ABCA3: variants seen among roughly 807,000 people sequenced by gnomAD.
ABCA3 encodes phospholipid-transporting ATPase ABCA3.
A neutral mutation model predicts 172.8 loss-of-function variants in ABCA3; 88 were observed. The observed-to-expected ratio is 0.51, with a 90% CI of 0.43 to 0.61. The LOEUF (loss-of-function observed/expected upper bound fraction) is 0.61. Among genes scored for constraint, ABCA3 ranks in the 20% least tolerant of loss-of-function variants. The pLI is 0.00. For missense variants in ABCA3, 2,164 were observed against 2,301.0 expected (o/e 0.94, Z 1.22); for synonymous variants, 1,066 against 983.8 (o/e 1.08, Z -1.56).
rs538323458 is a variant in ABCA3, at chr16:2,324,495, T to C, written c.356A>G (p.Tyr119Cys). ...GGACGAGCAGTTGTCGTACCTAATG[T>C]AGTCCTCAAAGTCCTTCTCGGAGGG... ...GFPSEKDFEDYIRYDNCSSSV... is the reference protein window; with the variant it reads ...GFPSEKDFEDCIRYDNCSSSV... Residue 119 changes from tyrosine (Y) to cysteine (C), a missense_variant, in exon 6 of 33, where the codon TAC (tyrosine) becomes TGC (cysteine). Transcript: ENST00000301732. 10 of 1,610,970 alleles carry C rather than the reference T, an allele frequency of 6.2e-6. No individual in the cohort carries two copies. The South Asian group carries it at 1.1e-4, about 18-fold the overall frequency.
intron 1 of ABCA3, among the ~76,000 whole-genome samples, chr16:2,336,247 G>T (rs886597759): frequency 1.3e-5 from 2 of 152,064 alleles, no homozygotes; most frequent in Non-Finnish European, 2.9e-5. Context: ...TTCAACACCA[G>T]AATCTCCACC....
intron 18 of ABCA3, among the ~76,000 whole-genome samples, chr16:2,294,269 G>A (rs376019178): frequency 7.3e-5 from 11 of 151,414 alleles, no homozygotes; most frequent in East Asian, 3.9e-4. Context: ...CTCATGGTCC[G>A]CCCGCCTTGG....
intron 3 of ABCA3, among the ~76,000 whole-genome samples, chr16:2,327,213 T>C (rs323053): frequency 0.92 from 140,435 of 152,120 alleles, 65,864 homozygotes; most frequent in East Asian, 1. Flanking sequence ...CTCCTGGGCT[T>C]GTGATCCTCC....
At chr16:2,332,370 C>T in intron 1 of ABCA3, 2 of 866,706 alleles carry the variant, frequency 2.3e-6, no homozygotes, top group Non-Finnish European at 3.9e-6. Context: ...ACTTTTTGGA[C>T]TCGCAGGGAC....
At chr16:2,332,550 A>C in intron 1 of ABCA3, 1 of 1,112,914 alleles carries the variant, frequency 9.0e-7, no homozygotes, top group Non-Finnish European at 1.4e-6. Flanking sequence ...CACGGACACG[A>C]ATGTCCACAC....
Position 2,285,772 on chromosome 16 carries a change from G to A in ABCA3, c.3279-126C>T, listed in dbSNP as rs1001414304. ...GCCCAACCACTAAAGGGGCTTATGGGAGAGCACAAGCACCATGGTTCCATA... is the reference window on the plus strand; with the variant it reads ...GCCCAACCACTAAAGGGGCTTATGGAAGAGCACAAGCACCATGGTTCCATA... On this transcript the variant is annotated intron_variant, in intron 22 of 32. Coordinates refer to ENST00000301732, the MANE Select transcript of ABCA3 (RefSeq NM_001089.3). The surrounding 1 kb of genome is among the most constrained non-coding windows in gnomAD (Gnocchi z 4.7). 1.2e-6 allele frequency: 1 copy of A among 865,390 alleles called. No individual in the cohort carries two copies. The highest frequency in any genetic ancestry group is 1.9e-6 in the Non-Finnish European group (1 of 534,640). The allele number at this position is 865,390 out of a possible 1,614,324, so 53.6% of individuals were successfully genotyped here.
At position 2,299,370 on chromosome 16, in the gene ABCA3, T is replaced by C. The variant is rs170447; in HGVS notation, c.1741+33A>G. 811,663 of 1,611,130 alleles carry C rather than the reference T, an allele frequency of 0.5. 207,613 individuals are homozygous for C. The highest frequency in any genetic ancestry group is 0.57 in the Admixed American group (34,244 of 59,964). On this transcript the variant is annotated intron_variant, in intron 14 of 32. Coordinates refer to ENST00000301732, the MANE Select transcript of ABCA3 (RefSeq NM_001089.3). ...GAGATGGTGTTAAAGGGGGGCCTGC[T>C]GGTGGCAGGGGCGTGAGGCGCCTGG...
In ABCA3 at chr16:2,288,007, C is replaced by A. The variant is rs377083578; in HGVS notation, c.3004+19G>T. ...ACTGGCCCCCGATGCCCCCGTCCCGCCCCCGGGATGCCCCTTACCGAGCAC... is the reference window on the plus strand; with the variant it reads ...ACTGGCCCCCGATGCCCCCGTCCCGACCCCGGGATGCCCCTTACCGAGCAC... On this transcript the variant is annotated intron_variant, in intron 21 of 32. Coordinates refer to ENST00000301732, the MANE Select transcript of ABCA3 (RefSeq NM_001089.3). 3.9e-5 allele frequency: 63 copies of A among 1,599,740 alleles called. No individual in the cohort carries two copies. Among genetic ancestry groups the A allele is most frequent in the Non-Finnish European group, 1.7e-6 (2 of 1,179,334 alleles).
At chr16:2,320,246 A>C (rs540311336) in intron 7 of ABCA3, among the ~76,000 whole-genome samples, 32 of 151,398 alleles carry the variant, frequency 2.1e-4, no homozygotes, top group African/African-American at 6.3e-4. Flanking sequence ...CTACAGGTGC[A>C]CACCACCATG....
intron 26 of ABCA3, among the ~76,000 whole-genome samples, chr16:2,282,033 G>A (rs1041754871): frequency 7.2e-5 from 11 of 152,188 alleles, no homozygotes; most frequent in African/African-American, 2.6e-4. Context: ...TTGGTGATCC[G>A]TCCACCTTGG....
intron 10 of ABCA3, among the ~76,000 whole-genome samples, chr16:2,311,755 C>T (rs868163252): frequency 3.9e-5 from 6 of 152,126 alleles, no homozygotes; most frequent in Non-Finnish European, 5.9e-5. Context: ...CTCCTGACCT[C>T]GTGATCCACC....
At chr16:2,334,973 C>T (rs1385166380) in intron 1 of ABCA3, among the ~76,000 whole-genome samples, 1 of 151,146 alleles carries the variant, frequency 6.6e-6, no homozygotes, top group Admixed American at 6.6e-5. Flanking sequence ...GGATTACAGG[C>T]ACTCGCCACC....
In ABCA3 at chr16:2,276,802, A is replaced by G; in HGVS notation, c.4987T>C (p.Phe1663Leu). ...PGRDLSWAKV[F>L]GILEKAKEKY... ...TCCTTGGCTTTCTCCAGAATACCGAAAACCTTTGGGGAGCAGAAAAGTCAC... is the reference window on the plus strand; with the variant it reads ...TCCTTGGCTTTCTCCAGAATACCGAGAACCTTTGGGGAGCAGAAAAGTCAC... Residue 1663 changes from phenylalanine to leucine, a missense_variant, in exon 33 of 33, where the codon TTC (phenylalanine) becomes CTC (leucine). Physicochemically the swap from Phe to Leu is conservative, Grantham distance 22. Around this residue, in one of 3 missense-constraint regions of ABCA3, gnomAD observed 795 missense variants for 881.9 expected, o/e 0.90. Transcript: ENST00000301732. 1 of 1,613,740 alleles carries G rather than the reference A, an allele frequency of 6.2e-7. No individual in the cohort carries two copies.
At position 2,287,519 on chromosome 16, in the gene ABCA3, C is replaced by T. The variant is rs1596835252; in HGVS notation, c.3004+507G>A. ...TCTCGAACTCCTGACCTCAAGTGAT[C>T]CACCTGCCTCGGCCTCCCAAAGTAG... is the stretch of plus-strand genomic sequence containing the variant. On this transcript the variant is annotated intron_variant, in intron 21 of 32. Transcript: ENST00000301732. This position sits in a 1 kb window ranked among gnomAD's most constrained non-coding sequence, Gnocchi z 4.1. Among the ~76,000 whole-genome samples the T allele has an allele frequency of 6.6e-6, 1 of 152,142 alleles. No homozygotes were observed. Among genetic ancestry groups the T allele is most frequent in the East Asian group, 1.9e-4 (1 of 5,184 alleles).
chr16:2,329,235 T>G (rs562238994), intron 2 of ABCA3, among the ~76,000 whole-genome samples: 1 of 152,184 alleles, frequency 6.6e-6, no homozygotes, highest in Non-Finnish European at 1.5e-5. Context: ...ATTAATAAGG[T>G]AGAAGACCTG....
chr16:2,338,575 C>T (rs1444199005), intron 1 of ABCA3, among the ~76,000 whole-genome samples: 1 of 152,022 alleles, frequency 6.6e-6, no homozygotes, highest in Non-Finnish European at 1.5e-5. Flanking sequence ...GGGTGGAGAC[C>T]CTCTGCTCTT....
At chr16:2,339,645 G>C (rs180729661) in intron 1 of ABCA3, among the ~76,000 whole-genome samples, 2 of 152,154 alleles carry the variant, frequency 1.3e-5, no homozygotes, top group Non-Finnish European at 2.9e-5. Context: ...GCGGGGTCTC[G>C]GCTACTCACT....
At chr16:2,317,152 C>T (rs2093717191) in intron 10 of ABCA3, 131 bp downstream of exon 10, 7 of 1,369,632 alleles carry the variant, frequency 5.1e-6, no homozygotes, top group Non-Finnish European at 7.1e-6. Context: ...GTCCAACCTT[C>T]CCCTGGTCAG....
chr16:2,314,312 T>C (rs1846849323), intron 10 of ABCA3, among the ~76,000 whole-genome samples: 1 of 152,120 alleles, frequency 6.6e-6, no homozygotes, highest in East Asian at 1.9e-4. Flanking sequence ...GAATTCAGGC[T>C]ACAACACAGA....
Sources: gnomAD v4.1 joint callset for allele counts (sites outside exome capture counted in the v4.1 genomes callset) on GRCh38, gnomAD v4.1.1 for gene constraint, gnomAD v4.1.1 regional missense constraint, Gnocchi (gnomAD v3.1) non-coding constraint, MANE v1.5 for transcripts, NCBI Gene and HGNC (gene_info 2026-07-23, HGNC 2026-07-21) for gene names.